SLC6A13: variants seen among roughly 807,000 people sequenced by gnomAD.
SLC6A13 encodes the protein sodium- and chloride-dependent GABA transporter 2.
A neutral mutation model predicts 72.9 loss-of-function variants in SLC6A13; 69 were observed. The observed-to-expected ratio is 0.95, with a 90% confidence interval of 0.78 to 1.16. The LOEUF (loss-of-function observed/expected upper bound fraction) is 1.16. Ranked by LOEUF, SLC6A13 falls within the 50% of genes most tolerant of loss-of-function variation. The pLI, the probability that SLC6A13 is intolerant of heterozygous loss-of-function variation, is 0.00. For missense variants in SLC6A13, 735 were observed against 760.5 expected (o/e 0.97, Z 0.39); for synonymous variants, 303 against 303.0 (o/e 1.00, Z 0.00).
intron 7 of SLC6A13, among the ~76,000 whole-genome samples, chr12:233,326 G>A (rs772387324): frequency 6.6e-6 from 1 of 152,226 alleles, no homozygotes; most frequent in Non-Finnish European, 1.5e-5. Context: ...TGCCAAAGAG[G>A]GGAAGGTAAG....
At chr12:257,208 CAG>C (rs1464432456) in intron 2 of SLC6A13, 2 of 149,670 alleles carry the variant, frequency 1.3e-5, no homozygotes, top group East Asian at 3.9e-4. Flanking sequence ...AAAAAAAAAA[CAG>C]AAAAATAGGC....
chr12:222,423 A>T (rs1941249487), intron 13 of SLC6A13, 109 bp downstream of exon 13: 2 of 598,960 alleles, frequency 3.3e-6, no homozygotes, highest in Non-Finnish European at 5.8e-6. Flanking sequence ...ATCTAAGATG[A>T]TTTTCAGTTC....
At chr12:258,484 C>G (rs550046437) in intron 2 of SLC6A13, among the ~76,000 whole-genome samples, 1 of 152,324 alleles carries the variant, frequency 6.6e-6, no homozygotes, top group African/African-American at 2.4e-5. Context: ...ATGAACTTAT[C>G]ACTCCTCTCA....
intron 4 of SLC6A13, among the ~76,000 whole-genome samples, chr12:240,607 TAA>T (rs997402693): frequency 1.3e-5 from 2 of 152,224 alleles, no homozygotes; most frequent in African/African-American, 2.4e-5. Flanking sequence ...GCTGTGGAGA[TAA>T]AGACACCTTT....
chr12:246,328 A>T (rs1034689714), intron 2 of SLC6A13, among the ~76,000 whole-genome samples: 2 of 151,942 alleles, frequency 1.3e-5, no homozygotes, highest in Non-Finnish European at 2.9e-5. Flanking sequence ...AAAATAAATA[A>T]ATAAATAAAT....
intron 11 of SLC6A13, 125 bp downstream of exon 11, chr12:223,867 G>A: frequency 8.5e-6 from 9 of 1,061,686 alleles, no homozygotes; most frequent in African/African-American, 1.6e-5. Context: ...AAAAGAGGGA[G>A]TCCTAGTGTC....
Position 221,401 on chromosome 12 carries a change from C to T in SLC6A13, c.1661G>A (p.Gly554Glu). 6.2e-7 allele frequency: 1 copy of T among 1,608,228 alleles called. No homozygotes were observed. The highest frequency in any genetic ancestry group is 8.5e-7 in the Non-Finnish European group (1 of 1,177,238). ...CTCTCTGAAGGGGCCCTTGAGGGTTCCGAGTCTGTAGAGGCTCCAGGCAGG... is the reference window on the plus strand; with the variant it reads ...CTCTCTGAAGGGGCCCTTGAGGGTTTCGAGTCTGTAGAGGCTCCAGGCAGG... ...CIPAWSLYRLGTLKGPFRERI... is the reference protein window; with the variant it reads ...CIPAWSLYRLETLKGPFRERI... The change falls in exon 14 of 15, where the codon GGA (glycine) becomes GAA (glutamate). Residue 554 changes from glycine (G) to glutamate (E), a missense_variant. Transcript: ENST00000343164.
chr12:226,242 C>G, intron 9 of SLC6A13, 148 bp downstream of exon 9: 1 of 922,406 alleles, frequency 1.1e-6, no homozygotes, highest in Non-Finnish European at 1.7e-6. Flanking sequence ...TGTTTCAATT[C>G]TCCGCCAAGT....
chr12:241,533 G>A (rs1457233036), intron 4 of SLC6A13, among the ~76,000 whole-genome samples: 1 of 152,204 alleles, frequency 6.6e-6, no homozygotes, highest in African/African-American at 2.4e-5. Context: ...AAATGTTAAA[G>A]TTCTGTTCCT....
In SLC6A13 at chr12:224,780, C is replaced by T. The variant is rs372461502; in HGVS notation, c.1061-267G>A. ...GGTGTAGAGGGCTGTGGGTCTAAAACGACTCCAGATCTCCAGATCTATTGC... is the reference window on the plus strand; with the variant it reads ...GGTGTAGAGGGCTGTGGGTCTAAAATGACTCCAGATCTCCAGATCTATTGC... On this transcript the variant is annotated intron_variant, in intron 9 of 14. Transcript: ENST00000343164. Among the ~76,000 whole-genome samples, 5 of 152,090 alleles carry T rather than the reference C, an allele frequency of 3.3e-5. No individual in the cohort carries two copies. The South Asian group carries it at 6.2e-4, about 19-fold the overall frequency.
chr12:237,363 T>TG, intron 5 of SLC6A13, 73 bp from the exon 6 acceptor site: 1 of 1,543,992 alleles, frequency 6.5e-7, no homozygotes, highest in South Asian at 1.2e-5. Context: ...CCTGGGACAG[T>TG]GGAGCTGAGC....
intron 6 of SLC6A13, among the ~76,000 whole-genome samples, chr12:236,174 T>C (rs1219413734): frequency 2.6e-5 from 4 of 152,238 alleles, no homozygotes; most frequent in Non-Finnish European, 5.9e-5. Context: ...CAGAAGCATG[T>C]GATCTTTGTT....
Position 220,680 on chromosome 12 carries a change from G to T in SLC6A13, c.*268C>A. 1 of 441,074 alleles carries T rather than the reference G, an allele frequency of 2.3e-6. No individual in the cohort carries two copies. The highest frequency in any genetic ancestry group is 4.1e-6 in the Non-Finnish European group (1 of 242,216). The allele number at this position is 441,074 out of a possible 1,614,324, so 27.3% of individuals were successfully genotyped here. A position where few individuals can be genotyped will look rare whatever the true frequency, so the allele number is the denominator to read the frequency against. Reference sequence around the variant, plus strand: ...GGATGAGAGGGCCCGAAGCCAGCAAGTCTCGCCCCACCTACCAGCCCCCAC... The same window carrying T: ...GGATGAGAGGGCCCGAAGCCAGCAATTCTCGCCCCACCTACCAGCCCCCAC... On this transcript the variant is annotated 3_prime_UTR_variant, in exon 15 of 15. Transcript: ENST00000343164.
chr12:231,026 G>A (rs1438116822), intron 7 of SLC6A13, among the ~76,000 whole-genome samples: 1 of 152,202 alleles, frequency 6.6e-6, no homozygotes, highest in Non-Finnish European at 1.5e-5. Flanking sequence ...TTAACGCAGG[G>A]ATCTAAAAGC....
At chr12:244,230 T>C (rs1942270169) in intron 2 of SLC6A13, among the ~76,000 whole-genome samples, 1 of 152,240 alleles carries the variant, frequency 6.6e-6, no homozygotes, top group Non-Finnish European at 1.5e-5. Flanking sequence ...TCAGATGCCC[T>C]TTCAGTCATT....
At chr12:252,873 C>A (rs1247905523) in intron 2 of SLC6A13, among the ~76,000 whole-genome samples, 1 of 152,158 alleles carries the variant, frequency 6.6e-6, no homozygotes, top group Non-Finnish European at 1.5e-5. Flanking sequence ...TCGTTGAGCT[C>A]CTTGGCAGCC....
chr12:234,276 C>T (rs1403268603), intron 7 of SLC6A13, among the ~76,000 whole-genome samples: 8 of 152,172 alleles, frequency 5.3e-5, no homozygotes, highest in Admixed American at 5.2e-4. Context: ...TTACAAATGC[C>T]ATGGCAACGT....
At chr12:247,241 T>TA (rs899129480) in intron 2 of SLC6A13, among the ~76,000 whole-genome samples, 45 of 145,204 alleles carry the variant, frequency 3.1e-4, no homozygotes, top group East Asian at 3.0e-3. Context: ...ACACCAAGAT[T>TA]AAAAAAAAAA....
In SLC6A13 at chr12:223,924, T is replaced by G. The variant is rs1353773873; in HGVS notation, c.1311+68A>C. ...CTGACCGGGAGCCAGGGTATCTGCC[T>G]CACTGACAGGTAGCAGCTGTCACTT... On this transcript the variant is annotated intron_variant, in intron 11 of 14. Transcript: ENST00000343164. 10 of 1,572,870 alleles carry G rather than the reference T, an allele frequency of 6.4e-6. No individual in the cohort carries two copies. In the South Asian group the frequency reaches 1.1e-4, roughly 17 times the overall value.
Sources: allele counts gnomAD v4.1 joint callset (sites outside exome capture counted in the v4.1 genomes callset), GRCh38; gene constraint gnomAD v4.1.1; transcripts MANE v1.5; gene names NCBI Gene and HGNC (gene_info 2026-07-23, HGNC 2026-07-21).